Variants in FAM163A observed in about 807,000 individuals in gnomAD.
The protein encoded by FAM163A is family with sequence similarity 163 member A.
Under a neutral mutation model 12.0 loss-of-function variants are expected in FAM163A, and 7 were observed. The observed-to-expected ratio is 0.58, with a 90% CI of 0.33 to 1.10. The LOEUF (loss-of-function observed/expected upper bound fraction) is 1.10. Among genes scored for constraint, FAM163A ranks in the 50% least tolerant of loss-of-function variants. The pLI, the probability that FAM163A is intolerant of heterozygous loss-of-function variation, is 0.03. For synonymous variants in FAM163A, 101 were observed against 91.0 expected (o/e 1.11, Z -0.62); for missense variants, 202 against 218.6 (o/e 0.92, Z 0.48).
At chr1:179,797,715 T>A (rs1217814093) in intron 1 of FAM163A, among the ~76,000 whole-genome samples, 1 of 152,146 alleles carries the variant, frequency 6.6e-6, no homozygotes, top group Non-Finnish European at 1.5e-5. Context: ...AATTTTTATC[T>A]GTGAATTAAA....
At chr1:179,738,323 A>T (rs1683229397), upstream of FAM163A, among the ~76,000 whole-genome samples, 3 of 152,358 alleles carry the variant, frequency 2.0e-5, no homozygotes, top group Admixed American at 1.3e-4. Flanking sequence ...ATCATTGCAC[A>T]TTATATACTT....
chr1:179,747,950 A>AG (rs1557889058), intron 1 of FAM163A, among the ~76,000 whole-genome samples: 1 of 6,240 alleles, frequency 1.6e-4, no homozygotes, highest in Non-Finnish European at 3.4e-4. Flanking sequence ...AAGGGGGAGG[A>AG]GGGGGAGGGG....
chr1:179,755,984 G>T (rs188545551), intron 1 of FAM163A, among the ~76,000 whole-genome samples: 121 of 152,344 alleles, frequency 7.9e-4, no homozygotes, highest in African/African-American at 2.7e-3. Context: ...TACCCCAGGT[G>T]CTGATAGTTC....
chr1:179,797,571 T>C (rs1044020022), intron 1 of FAM163A, among the ~76,000 whole-genome samples: 1 of 152,052 alleles, frequency 6.6e-6, no homozygotes, highest in African/African-American at 2.4e-5. Context: ...GCCAAGAGAG[T>C]ACATTTTAAG....
intron 1 of FAM163A, among the ~76,000 whole-genome samples, chr1:179,755,419 T>C (rs1279371033): frequency 6.6e-6 from 1 of 152,116 alleles, no homozygotes; most frequent in Non-Finnish European, 1.5e-5. Flanking sequence ...GATTTTTAAA[T>C]GTTGTGGCTA....
At chr1:179,734,177 C>G in the FAM163A span, among the ~76,000 whole-genome samples, 1,229 of 152,290 alleles carry the variant, frequency 8.1e-3, 8 homozygotes, top group Non-Finnish European at 0.012. Context: ...ATGTTGCACT[C>G]AACAGATCTT....
At chr1:179,781,832 G>T (rs1383222158) in intron 1 of FAM163A, among the ~76,000 whole-genome samples, 2 of 151,724 alleles carry the variant, frequency 1.3e-5, no homozygotes, top group Admixed American at 1.3e-4. Context: ...TACTCGGGAG[G>T]CTGAGGCAGG....
chr1:179,745,881 GAACA>G (rs1684396871), intron 1 of FAM163A, among the ~76,000 whole-genome samples: 1 of 152,146 alleles, frequency 6.6e-6, no homozygotes, highest in Admixed American at 6.5e-5. Flanking sequence ...TTCCAATTAA[GAACA>G]GACACACATG....
chr1:179,728,950 C>A, the FAM163A span, among the ~76,000 whole-genome samples: 16 of 152,084 alleles, frequency 1.1e-4, no homozygotes, highest in African/African-American at 3.6e-4. Flanking sequence ...CGTCAGTTAA[C>A]CCCAGCTTCT....
chr1:179,775,997 A>G (rs1038941921), intron 1 of FAM163A, among the ~76,000 whole-genome samples: 4 of 152,194 alleles, frequency 2.6e-5, no homozygotes, highest in African/African-American at 7.2e-5. Flanking sequence ...TGAATTGATC[A>G]GATGGGGTGG....
At chr1:179,804,512 C>T (rs1266135531) in intron 1 of FAM163A, among the ~76,000 whole-genome samples, 1 of 152,222 alleles carries the variant, frequency 6.6e-6, no homozygotes, top group Non-Finnish European at 1.5e-5. Flanking sequence ...CACATGTGCT[C>T]ACTGCAGCAC....
At chr1:179,778,545 A>C (rs1364420706) in intron 1 of FAM163A, among the ~76,000 whole-genome samples, 1 of 152,160 alleles carries the variant, frequency 6.6e-6, no homozygotes, top group Non-Finnish European at 1.5e-5. Flanking sequence ...AGAGGGAAGG[A>C]AGACGTTTTA....
intron 1 of FAM163A, among the ~76,000 whole-genome samples, chr1:179,770,819 G>A (rs1272326135): frequency 1.3e-5 from 2 of 152,128 alleles, no homozygotes; most frequent in Non-Finnish European, 1.5e-5. Context: ...CCCCATCATA[G>A]GACTTAGCCC....
chr1:179,744,062 G>A (rs1442626855), intron 1 of FAM163A, among the ~76,000 whole-genome samples: 2 of 152,150 alleles, frequency 1.3e-5, no homozygotes, highest in African/African-American at 4.8e-5. Flanking sequence ...TGATTTTTCC[G>A]AAGTTTTACA....
chr1:179,763,725 G>A (rs902436818), intron 1 of FAM163A, among the ~76,000 whole-genome samples: 1 of 152,214 alleles, frequency 6.6e-6, no homozygotes, highest in Non-Finnish European at 1.5e-5. Flanking sequence ...CTGGTGGTAG[G>A]TTATAGCAAG....
intron 1 of FAM163A, among the ~76,000 whole-genome samples, chr1:179,752,518 A>G (rs1248624801): frequency 1.3e-5 from 2 of 151,572 alleles, no homozygotes; most frequent in Non-Finnish European, 2.9e-5. Flanking sequence ...AAGGCAGCCT[A>G]TGGGATGGGA....
rs767515266 is a variant in FAM163A, at chr1:179,813,830, C to T, written c.145C>T (p.Arg49Trp). The T allele has an allele frequency of 3.1e-6, 5 of 1,613,976 alleles. No homozygotes were observed. Among genetic ancestry groups the T allele is most frequent in the Non-Finnish European group, 3.4e-6 (4 of 1,180,024 alleles). ...GTEVADEEEE[R>W]EHDLPTHPRG... ...CGAGGTTGCAGACGAGGAGGAGGAG[C>T]GGGAGCACGACCTTCCCACGCATCC... Residue 49 changes from arginine to tryptophan, a missense_variant, in exon 5 of 5, where the codon CGG becomes TGG. Physicochemically the swap from Arg to Trp is moderately radical, Grantham distance 101. Coordinates refer to ENST00000341785, the MANE Select transcript of FAM163A (RefSeq NM_173509.3).
chr1:179,815,709 A>C lies in FAM163A; in HGVS notation c.*1520A>C, dbSNP rs1695258833. 1 of 152,068 alleles carries C rather than the reference A, an allele frequency of 6.6e-6. No individual in the cohort carries two copies. Among genetic ancestry groups the C allele is most frequent in the Non-Finnish European group, 1.5e-5 (1 of 68,020 alleles). 9.4% of individuals were successfully genotyped at this position (152,068 alleles called of 1,614,324 possible). On this transcript the variant is annotated 3_prime_UTR_variant, in exon 5 of 5. Transcript: ENST00000341785. ...CTAACCCCCTTCCCACTCCTGAGTC[A>C]CTGAATTCGAGGAGGGTGGGGCAGG... is the stretch of plus-strand genomic sequence containing the variant.
chr1:179,765,148 G>A (rs1332587449), intron 1 of FAM163A, among the ~76,000 whole-genome samples: 3 of 152,174 alleles, frequency 2.0e-5, no homozygotes, highest in Non-Finnish European at 4.4e-5. Context: ...TGCCGCTGGT[G>A]GAGGCTGGTT....
Sources: gnomAD v4.1 joint callset for allele counts (sites outside exome capture counted in the v4.1 genomes callset) on GRCh38, gnomAD v4.1.1 for gene constraint, MANE v1.5 for transcripts, NCBI Gene and HGNC (gene_info 2026-07-23, HGNC 2026-07-21) for gene names.